ECSCR: variants seen among roughly 807,000 people sequenced by gnomAD.
The protein encoded by ECSCR is endothelial cell surface expressed chemotaxis and apoptosis regulator.
A neutral mutation model predicts 16.7 loss-of-function variants in ECSCR; 12 were observed. The ratio of observed to expected loss-of-function variants is 0.72; its 90% confidence interval spans 0.46 to 1.17. The LOEUF is 1.17. ECSCR is among the 50% of genes most tolerant of loss of function. The pLI is 0.00. For synonymous variants in ECSCR, 44 were observed against 42.2 expected, an observed-to-expected ratio of 1.04 and a Z score of -0.17; for missense variants, 122 against 116.1, an observed-to-expected ratio of 1.05 and a Z score of -0.23.
chr5:139,458,386 C>T (rs1751210715), intron 1 of ECSCR, among the ~76,000 whole-genome samples: 1 of 146,192 alleles, frequency 6.8e-6, no homozygotes, highest in African/African-American at 2.5e-5. Flanking sequence ...CCTAGCTACT[C>T]AGGAGGCTGA....
At position 139,448,896 on chromosome 5, in the gene ECSCR, GC is replaced by G; in HGVS notation, c.*3del. On this transcript the variant is annotated 3_prime_UTR_variant, in exon 10 of 10. Transcript: ENST00000618155. ...CTTGGACTCATGGGGACCCAAAGTT[GC>G]TTTTAAAGAACCTGCAAAATAAATG... 6.5e-7 allele frequency: 1 copy of G among 1,537,232 alleles called. No individual in the cohort carries two copies. The highest frequency in any genetic ancestry group is 8.7e-7 in the Non-Finnish European group (1 of 1,146,910).
intron 9 of ECSCR, 63 bp downstream of exon 9, chr5:139,449,015 A>G: frequency 6.5e-7 from 1 of 1,532,844 alleles, no homozygotes; most frequent in East Asian, 2.4e-5. Flanking sequence ...TTCTGGCCTG[A>G]AAGTAGGAGG....
intron 1 of ECSCR, among the ~76,000 whole-genome samples, chr5:139,458,521 A>C (rs1751218294): frequency 7.3e-6 from 1 of 137,218 alleles, no homozygotes; most frequent in African/African-American, 2.6e-5. Flanking sequence ...AAAAAAAAAA[A>C]AAAAAAAAAA....
chr5:139,456,126 C>CA (rs1240004555), intron 5 of ECSCR, among the ~76,000 whole-genome samples: 4 of 151,730 alleles, frequency 2.6e-5, no homozygotes, highest in South Asian at 2.1e-4. Flanking sequence ...TGTCTCAAAA[C>CA]AAAAAACAAA....
rs397882364 is a variant in ECSCR, at chr5:139,458,500, C to CAAAAAAAAAAAAAAAAAAAAAAAAA, written c.62-342_62-318dup. Among the ~76,000 whole-genome samples, 11 of 85,358 alleles carry CAAAAAAAAAAAAAAAAAAAAAAAAA rather than the reference C, an allele frequency of 1.3e-4. 1 individual carries two copies. Among genetic ancestry groups the CAAAAAAAAAAAAAAAAAAAAAAAAA allele is most frequent in the African/African-American group, 3.2e-4 (5 of 15,634 alleles). The allele number at this position is 85,358 out of a possible 152,430, so 56.0% of individuals were successfully genotyped here. The stretch of plus-strand genomic sequence containing the variant: ...GCAACAGGTGGAGACCCTATCTCAA[C>CAAAAAAAAAAAAAAAAAAAAAAAAA]AAAAAAAAAAAAAAAAAAAAAAAAA... On this transcript the variant is annotated intron_variant, in intron 1 of 9. Coordinates refer to ENST00000618155, the MANE Select transcript of ECSCR (RefSeq NM_001077693.4).
rs1750961648 is a variant in ECSCR, at chr5:139,448,671, G to C, written c.*229C>G. 2 of 1,332,708 alleles carry C rather than the reference G, an allele frequency of 1.5e-6. No homozygotes were observed. The highest frequency in any genetic ancestry group is 2.7e-5 in the East Asian group (1 of 37,542). 82.6% of individuals were successfully genotyped at this position (1,332,708 alleles called of 1,614,324 possible). On this transcript the variant is annotated 3_prime_UTR_variant, in exon 10 of 10. Transcript: ENST00000618155. ...TTCCTGTGGCTCTGAGGAGGTGGGA[G>C]AAGCAGGCAGTATTTCCACAGCAGC...
chr5:139,448,935 G>T, intron 9 of ECSCR, 27 bp from the exon 10 acceptor site: 1 of 1,537,226 alleles, frequency 6.5e-7, no homozygotes. Flanking sequence ...TAATGGGGAA[G>T]GGTGAACTTT....
chr5:139,456,164 G>A (rs1335084412), intron 5 of ECSCR, among the ~76,000 whole-genome samples: 5 of 152,120 alleles, frequency 3.3e-5, no homozygotes, highest in African/African-American at 1.2e-4. Flanking sequence ...GCCTTTTGGT[G>A]CATGCCTGTA....
chr5:139,452,178 T>C (rs1751068447), intron 8 of ECSCR, among the ~76,000 whole-genome samples: 2 of 132,938 alleles, frequency 1.5e-5, no homozygotes, highest in African/African-American at 5.8e-5. Context: ...AGTATATGGG[T>C]ATGTGTGAGT....
At chr5:139,460,144 TTCG>T (rs950395779) in intron 1 of ECSCR, among the ~76,000 whole-genome samples, 19 of 152,156 alleles carry the variant, frequency 1.2e-4, no homozygotes, top group Middle Eastern at 3.4e-3. Flanking sequence ...TTTTTTTTTT[TTCG>T]TTTTGAGACA....
chr5:139,452,443 T>TG (rs1751083421), intron 8 of ECSCR, among the ~76,000 whole-genome samples: 1 of 1,074 alleles, frequency 9.3e-4, no homozygotes, highest in East Asian at 0.023. Flanking sequence ...TCGTGGGGTG[T>TG]GTGTGGTAGG....
chr5:139,455,651 G>C (rs1751140669), intron 5 of ECSCR, among the ~76,000 whole-genome samples: 1 of 152,076 alleles, frequency 6.6e-6, no homozygotes, highest in Non-Finnish European at 1.5e-5. Flanking sequence ...CAGGCTGCCT[G>C]TTAAGGGGCA....
At position 139,448,941 on chromosome 5, in the gene ECSCR, A is replaced by C. The variant is rs1227166345; in HGVS notation, c.610-33T>G. On this transcript the variant is annotated intron_variant, in intron 9 of 9. Transcript: ENST00000618155. ...ATAAATGCATAATGGGGAAGGGTGA[A>C]CTTTTTAGGATTGGCAGGGTACAGA... 14 of 1,537,230 alleles carry C rather than the reference A, an allele frequency of 9.1e-6. No individual in the cohort carries two copies. In the South Asian group the frequency reaches 1.5e-4, roughly 17 times the overall value.
intron 1 of ECSCR, among the ~76,000 whole-genome samples, chr5:139,461,028 G>C (rs948304246): frequency 2.6e-5 from 4 of 152,124 alleles, no homozygotes; most frequent in Non-Finnish European, 5.9e-5. Context: ...GGGTGTGGTG[G>C]TGTGTGCCTG....
intron 5 of ECSCR, among the ~76,000 whole-genome samples, chr5:139,456,044 C>G (rs1446711637): frequency 6.6e-6 from 1 of 152,020 alleles, no homozygotes; most frequent in Non-Finnish European, 1.5e-5. Flanking sequence ...ATCTCTTGAA[C>G]CTGGGAGGCA....
chr5:139,456,864 G>T (rs1751169148), intron 4 of ECSCR, among the ~76,000 whole-genome samples: 1 of 152,174 alleles, frequency 6.6e-6, no homozygotes, highest in Non-Finnish European at 1.5e-5. Flanking sequence ...CATCCAGATG[G>T]AACCCAGTGT....
chr5:139,458,500 CAAAAAAAA>C (rs397882364), intron 1 of ECSCR, among the ~76,000 whole-genome samples: 25 of 85,354 alleles, frequency 2.9e-4, no homozygotes, highest in East Asian at 1.7e-3. Context: ...CCTATCTCAA[CAAAAAAAA>C]AAAAAAAAAA....
At chr5:139,456,978 G>T (rs1336782424) in intron 4 of ECSCR, among the ~76,000 whole-genome samples, 2 of 152,214 alleles carry the variant, frequency 1.3e-5, no homozygotes, top group Non-Finnish European at 2.9e-5. Flanking sequence ...GCCCATCCAC[G>T]GTGCCTGCCC....
intron 1 of ECSCR, among the ~76,000 whole-genome samples, chr5:139,461,886 C>G (rs905266746): frequency 1.1e-4 from 17 of 152,204 alleles, no homozygotes; most frequent in Admixed American, 1.0e-3. Flanking sequence ...AAGTTGCTGC[C>G]CTGTGAGTCA....
Sources: allele counts gnomAD v4.1 joint callset (sites outside exome capture counted in the v4.1 genomes callset), GRCh38; gene constraint gnomAD v4.1.1; transcripts MANE v1.5; gene names NCBI Gene and HGNC (gene_info 2026-07-23, HGNC 2026-07-21).